Variants in ELP4 observed in about 807,000 individuals in gnomAD.
ELP4 encodes elongator complex protein 4.
Under a neutral mutation model 48.9 loss-of-function variants are expected in ELP4, and 51 were observed. The ratio of observed to expected loss-of-function variants is 1.04; its 90% CI spans 0.83 to 1.32. The LOEUF (loss-of-function observed/expected upper bound fraction) is 1.32, where lower values mean the gene tolerates loss of function less well. Ranked by LOEUF, ELP4 falls within the 40% of genes most tolerant of loss-of-function variation. The probability of loss-of-function intolerance (pLI) is 0.00; values close to 1 mark genes in which losing one functional copy is unlikely to be tolerated. For missense variants in ELP4, 519 were observed against 514.6 expected (o/e 1.01, Z -0.08); for synonymous variants, 210 against 189.2 (o/e 1.11, Z -0.90).
rs1955951383 is a variant in ELP4 at position 31,509,962 on chromosome 11, C to T, written c.178C>T (p.Gln60Ter). 1.9e-6 allele frequency: 3 copies of T among 1,612,868 alleles called. No individual in the cohort carries two copies. The South Asian group carries it at 3.3e-5, about 18-fold the overall frequency. The change falls in exon 1 of 10, where the codon CAG becomes TAG. Residue 60 changes from glutamine (Q) to a stop codon, truncating the protein, a stop_gained. Coordinates refer to ENST00000640961, the MANE Select transcript of ELP4 (RefSeq NM_019040.5). LOFTEE classifies it high-confidence loss of function. ...AGTRPSVRNG[Q>*]LLVSTGLPAL... ...CACGCGACCGTCGGTGCGGAATGGA[C>T]AGCTGCTGGTATCAACCGGGCTCCC...
intron 9 of ELP4, among the ~76,000 whole-genome samples, chr11:31,731,468 CA>C (rs1947183343): frequency 6.6e-6 from 1 of 151,538 alleles, no homozygotes; most frequent in Non-Finnish European, 1.5e-5. Flanking sequence ...AAAGAACCAA[CA>C]AACTTGAAGA....
chr11:31,636,658 CT>C (rs1164414987), intron 7 of ELP4, among the ~76,000 whole-genome samples: 1 of 151,786 alleles, frequency 6.6e-6, no homozygotes, highest in African/African-American at 2.4e-5. Flanking sequence ...TATAATAAGA[CT>C]TTTGTGAGTA....
intron 5 of ELP4, among the ~76,000 whole-genome samples, chr11:31,617,223 G>A (rs1328164984): frequency 6.6e-6 from 1 of 152,026 alleles, no homozygotes; most frequent in African/African-American, 2.4e-5. Flanking sequence ...ATGTTATTTA[G>A]CCTTAAAAAT....
chr11:31,736,710 G>A (rs1326796813), intron 9 of ELP4, among the ~76,000 whole-genome samples: 1 of 152,132 alleles, frequency 6.6e-6, no homozygotes, highest in Non-Finnish European at 1.5e-5. Context: ...TATGCAGCCA[G>A]AAGACACATG....
intron 5 of ELP4, among the ~76,000 whole-genome samples, chr11:31,618,381 C>T (rs1205770463): frequency 6.6e-6 from 1 of 152,086 alleles, no homozygotes; most frequent in Non-Finnish European, 1.5e-5. Flanking sequence ...CCACTTCCAA[C>T]ACGGTAGTTT....
At chr11:31,514,398 G>A (rs1956068349) in intron 1 of ELP4, among the ~76,000 whole-genome samples, 1 of 152,158 alleles carries the variant, frequency 6.6e-6, no homozygotes, top group South Asian at 2.1e-4. Context: ...GTTCAAGTCT[G>A]CAGTGAGCAG....
At chr11:31,543,299 T>TTTGTTG (rs900296609) in intron 3 of ELP4, among the ~76,000 whole-genome samples, 1 of 152,020 alleles carries the variant, frequency 6.6e-6, no homozygotes, top group Admixed American at 6.6e-5. Flanking sequence ...AACTCCAAGT[T>TTTGTTG]TTGTTGTTGT....
At chr11:31,770,702 G>T (rs1240789097) in intron 9 of ELP4, among the ~76,000 whole-genome samples, 1 of 151,786 alleles carries the variant, frequency 6.6e-6, no homozygotes, top group Non-Finnish European at 1.5e-5. Flanking sequence ...GATTACTTGA[G>T]CCCAGGAGTT....
chr11:31,787,399 T>C lies in ELP4; in HGVS notation c.*3875T>C. The C allele has an allele frequency of 4.3e-6, 1 of 233,308 alleles. No homozygotes were observed. Among genetic ancestry groups the C allele is most frequent in the East Asian group, 6.0e-5 (1 of 16,594 alleles). 14.5% of individuals were successfully genotyped at this position (233,308 alleles called of 1,614,324 possible). On this transcript the variant is annotated 3_prime_UTR_variant, in exon 10 of 10. Transcript: ENST00000640961. ...GCGACATCCGGGTCTCCAAAGTCTCTGCTGTCTACACAACAGAACCGTGGG... is the reference window on the plus strand; with the variant it reads ...GCGACATCCGGGTCTCCAAAGTCTCCGCTGTCTACACAACAGAACCGTGGG...
At chr11:31,742,210 G>A (rs1054222797) in intron 9 of ELP4, among the ~76,000 whole-genome samples, 1 of 152,160 alleles carries the variant, frequency 6.6e-6, no homozygotes, top group African/African-American at 2.4e-5. Context: ...AGAATGAAAA[G>A]AAACGAACAA....
chr11:31,636,488 T>G (rs1287296066), intron 7 of ELP4, among the ~76,000 whole-genome samples: 2 of 151,990 alleles, frequency 1.3e-5, no homozygotes, highest in Admixed American at 1.3e-4. Context: ...CAGACTTGTA[T>G]AGTAATGATT....
chr11:31,723,319 A>T (rs1274313843), intron 9 of ELP4, among the ~76,000 whole-genome samples: 1 of 152,140 alleles, frequency 6.6e-6, no homozygotes, highest in Non-Finnish European at 1.5e-5. Flanking sequence ...GGGACTGCAT[A>T]GTAACCAACA....
intron 3 of ELP4, among the ~76,000 whole-genome samples, chr11:31,546,493 T>G (rs191957602): frequency 1.5e-3 from 223 of 152,214 alleles, no homozygotes; most frequent in African/African-American, 4.9e-3. Context: ...AGCAAGTCCT[T>G]AGTGACCTAC....
Position 31,565,593 on chromosome 11 carries a change from G to T in ELP4, c.381+25810G>T, listed in dbSNP as rs548725036. On this transcript the variant is annotated intron_variant, in intron 3 of 9. Transcript: ENST00000640961. ...ATCCAGTTTCAGCTTTCTACATATG[G>T]CTAGCCAGTTTTCCCAGCACCATTT... 2.9e-3 allele frequency among the ~76,000 whole-genome samples: 425 copies of T among 145,220 alleles called. 1 individual carries two copies. Among genetic ancestry groups the T allele is most frequent in the Non-Finnish European group, 5.0e-3 (338 of 67,164 alleles).
chr11:31,550,795 A>C (rs1428553411), intron 3 of ELP4, among the ~76,000 whole-genome samples: 1 of 152,188 alleles, frequency 6.6e-6, no homozygotes, highest in Non-Finnish European at 1.5e-5. Flanking sequence ...TACATTTCTC[A>C]AAACAGTCAT....
At chr11:31,654,944 A>G (rs1429347612) in intron 9 of ELP4, 1 of 151,766 alleles carries the variant, frequency 6.6e-6, no homozygotes, top group East Asian at 2.0e-4. Flanking sequence ...CTGTAGTCCA[A>G]TATACTACAA....
chr11:31,517,188 CTTTT>C (rs999702137), intron 1 of ELP4, among the ~76,000 whole-genome samples: 1 of 145,872 alleles, frequency 6.9e-6, no homozygotes, highest in African/African-American at 2.5e-5. Context: ...ATCAAAGGAA[CTTTT>C]TTTTTTTTTG....
chr11:31,673,009 TTTTTTG>T (rs1049390240), intron 9 of ELP4, among the ~76,000 whole-genome samples: 8 of 151,972 alleles, frequency 5.3e-5, no homozygotes, highest in Admixed American at 1.3e-4. Flanking sequence ...TTTGGTGGGT[TTTTTTG>T]TTTTTGTCTT....
Position 31,788,835 on chromosome 11 carries a change from CAG to C in ELP4, c.*5314_*5315del, listed in dbSNP as rs1274427695. The C allele has an allele frequency of 9.8e-6, 2 of 204,920 alleles. No homozygotes were observed. The highest frequency in any genetic ancestry group is 2.3e-5 in the African/African-American group (1 of 43,808). 12.7% of individuals were successfully genotyped at this position (204,920 alleles called of 1,614,324 possible). ...TTTTAAGGATCATCAGGATGTAAAA[CAG>C]AGTGTGTGTGAAAGTAACCATTGGT... On this transcript the variant is annotated 3_prime_UTR_variant, in exon 10 of 10. Transcript: ENST00000640961.
Sources: allele counts gnomAD v4.1 joint callset (sites outside exome capture counted in the v4.1 genomes callset), GRCh38; gene constraint gnomAD v4.1.1; transcripts MANE v1.5; gene names NCBI Gene and HGNC (gene_info 2026-07-23, HGNC 2026-07-21).